Variants in SOX5 observed in about 807,000 individuals in gnomAD.
SOX5 encodes transcription factor SOX-5.
A neutral mutation model predicts 92.0 loss-of-function variants in SOX5; 9 were observed. The ratio of observed to expected loss-of-function variants is 0.10; its 90% CI spans 0.06 to 0.17. The LOEUF is 0.17. Ranked by LOEUF, SOX5 falls within the 10% of genes least tolerant of loss-of-function variation. The pLI, the probability that SOX5 is intolerant of heterozygous loss-of-function variation, is 1.00. For missense variants in SOX5, 642 were observed against 944.5 expected (o/e 0.68, Z 4.20); for synonymous variants, 344 against 336.3 (o/e 1.02, Z -0.25).
intron 4 of SOX5, among the ~76,000 whole-genome samples, chr12:24,151,098 C>T (rs1160368505): frequency 6.6e-6 from 1 of 151,966 alleles, no homozygotes; most frequent in African/African-American, 2.4e-5. Flanking sequence ...TACTGTGTAA[C>T]TTATTAATGT....
At chr12:23,960,514 C>CAT (rs61480895) in intron 4 of SOX5, among the ~76,000 whole-genome samples, 60 of 106,956 alleles carry the variant, frequency 5.6e-4, no homozygotes, top group African/African-American at 8.4e-4. Flanking sequence ...TATTTATATA[C>CAT]ATATATATAT....
At chr12:24,493,411 T>C (rs1947289696) in intron 1 of SOX5, among the ~76,000 whole-genome samples, 2 of 152,174 alleles carry the variant, frequency 1.3e-5, no homozygotes, top group Admixed American at 1.3e-4. Context: ...GAATAAAGTA[T>C]GGACTTTAAT....
rs1437037574 is a variant in SOX5, at chr12:23,923,465, T to C, written c.38+26099A>G. 2.0e-5 allele frequency among the ~76,000 whole-genome samples: 3 copies of C among 152,040 alleles called. No individual in the cohort carries two copies. In the East Asian group the frequency reaches 5.8e-4, roughly 29 times the overall value. On this transcript the variant is annotated intron_variant, in intron 1 of 14. Transcript: ENST00000451604. ...ATAGATAAACAGTTAGAAGGTGAAA[T>C]TAAGTTCCGATTATTTAATAAACAT... is the stretch of plus-strand genomic sequence containing the variant.
At chr12:24,533,134 T>C (rs1170138890) in intron 1 of SOX5, among the ~76,000 whole-genome samples, 3 of 152,214 alleles carry the variant, frequency 2.0e-5, no homozygotes, top group Admixed American at 2.0e-4. Context: ...ATTTCTAGGT[T>C]TTTTTTCTTT....
intron 4 of SOX5, among the ~76,000 whole-genome samples, chr12:24,164,193 G>A (rs1240393984): frequency 6.6e-6 from 1 of 151,952 alleles, no homozygotes; most frequent in African/African-American, 2.4e-5. Flanking sequence ...CTATGACACA[G>A]AACACACTGG....
chr12:23,626,228 A>G (rs12819961), intron 8 of SOX5, among the ~76,000 whole-genome samples: 3 of 152,162 alleles, frequency 2.0e-5, no homozygotes, highest in African/African-American at 7.2e-5. Flanking sequence ...TATGGTGTCC[A>G]TCTAGTTGGC....
Position 23,546,330 on chromosome 12 carries a change from C to A in SOX5, c.1583G>T (p.Ser528Ile). ...TTTTCACAAACCATCAGAATCTCCACTCAGATTGAAATCCATCATTGCATG... is the reference window on the plus strand; with the variant it reads ...TTTTCACAAACCATCAGAATCTCCAATCAGATTGAAATCCATCATTGCATG... ...FSHAMMDFNL[S>I]GDSDGSAGVS... The change falls in exon 12 of 15, where the codon AGT (serine) becomes ATT (isoleucine). Residue 528 changes from serine (S) to isoleucine (I), a missense_variant. Physicochemically the swap from Ser to Ile is moderately radical, Grantham distance 142. This residue lies in a region of SOX5 where 324 missense variants were observed against 461.6 expected (regional missense o/e 0.70). Transcript: ENST00000451604. The A allele has an allele frequency of 6.3e-7, 1 of 1,578,010 alleles. No homozygotes were observed. Among genetic ancestry groups the A allele is most frequent in the Non-Finnish European group, 8.7e-7 (1 of 1,148,282 alleles).
intron 3 of SOX5, among the ~76,000 whole-genome samples, chr12:24,234,017 A>G (rs1056027844): frequency 2.0e-5 from 3 of 152,032 alleles, no homozygotes; most frequent in African/African-American, 4.8e-5. Flanking sequence ...TTCATATCCA[A>G]TTTGGTCTGT....
intron 1 of SOX5, among the ~76,000 whole-genome samples, chr12:24,428,758 A>AAAAAAAAC (rs1967051400): frequency 8.2e-6 from 1 of 121,528 alleles, no homozygotes; most frequent in Non-Finnish European, 1.7e-5. Flanking sequence ...AAAAAAAAAA[A>AAAAAAAAC]AGCTAATTTC....
At chr12:23,844,948 A>G (rs138973197) in intron 3 of SOX5, among the ~76,000 whole-genome samples, 1 of 152,314 alleles carries the variant, frequency 6.6e-6, no homozygotes, top group Non-Finnish European at 1.5e-5. Flanking sequence ...ATTCTTTCCA[A>G]TTCTCAGATC....
intron 4 of SOX5, among the ~76,000 whole-genome samples, chr12:24,014,171 T>C (rs900535608): frequency 2.0e-5 from 3 of 152,196 alleles, no homozygotes; most frequent in Non-Finnish European, 2.9e-5. Context: ...CAGGGCATTT[T>C]AAAATAAGCT....
At chr12:23,704,353 A>G (rs2091080969) in intron 6 of SOX5, among the ~76,000 whole-genome samples, 1 of 151,934 alleles carries the variant, frequency 6.6e-6, no homozygotes, top group African/African-American at 2.4e-5. Flanking sequence ...TCACCATTAT[A>G]AAGTGCAAAA....
intron 3 of SOX5, among the ~76,000 whole-genome samples, chr12:23,782,879 TG>T (rs2095309441): frequency 6.6e-6 from 1 of 152,140 alleles, no homozygotes; most frequent in African/African-American, 2.4e-5. Context: ...TTTTTGTGTG[TG>T]TGTGTGCGGT....
intron 1 of SOX5, among the ~76,000 whole-genome samples, chr12:24,440,594 T>TTGTGTGTGTGTG (rs56082162): frequency 4.9e-4 from 69 of 139,732 alleles, no homozygotes; most frequent in Middle Eastern, 3.5e-3. Flanking sequence ...ACATGATCCT[T>TTGTGTGTGTGTG]TGTGTGTGTG....
intron 2 of SOX5, among the ~76,000 whole-genome samples, chr12:24,354,381 G>T (rs1039221306): frequency 6.6e-6 from 1 of 152,264 alleles, no homozygotes; most frequent in African/African-American, 2.4e-5. Context: ...GAAGGTGGGG[G>T]AGAAGGATAA....
intron 4 of SOX5, among the ~76,000 whole-genome samples, chr12:24,018,819 A>T (rs1309532383): frequency 6.6e-6 from 1 of 151,988 alleles, no homozygotes; most frequent in African/African-American, 2.4e-5. Flanking sequence ...AATAAATAAA[A>T]AATAAAAGCA....
intron 1 of SOX5, among the ~76,000 whole-genome samples, chr12:23,915,338 T>C (rs1230297922): frequency 6.6e-6 from 1 of 152,168 alleles, no homozygotes; most frequent in Admixed American, 6.5e-5. Context: ...TAATTAGCTA[T>C]GAGAAGCCAT....
chr12:24,223,667 A>G (rs1479915178), intron 3 of SOX5, among the ~76,000 whole-genome samples: 1 of 152,190 alleles, frequency 6.6e-6, no homozygotes, highest in Non-Finnish European at 1.5e-5. Context: ...AAGTGGGAGG[A>G]TCGCTTGAGC....
intron 2 of SOX5, among the ~76,000 whole-genome samples, chr12:23,853,206 C>A (rs775380553): frequency 6.6e-6 from 1 of 150,588 alleles, no homozygotes; most frequent in African/African-American, 2.4e-5. Context: ...TGTTGAAACA[C>A]GCTTATGTTT....
Sources: gnomAD v4.1 joint callset for allele counts (sites outside exome capture counted in the v4.1 genomes callset) on GRCh38, gnomAD v4.1.1 for gene constraint, gnomAD v4.1.1 regional missense constraint, MANE v1.5 for transcripts, NCBI Gene and HGNC (gene_info 2026-07-23, HGNC 2026-07-21) for gene names.